Variants in ASAP1 observed in about 807,000 individuals in gnomAD.
The protein encoded by ASAP1 is arf-GAP with SH3 domain, ANK repeat and PH domain-containing protein 1.
ASAP1 carries 43 observed loss-of-function variants against 145.2 expected under a neutral mutation model. The ratio of observed to expected loss-of-function variants is 0.30; its 90% CI spans 0.23 to 0.38. The LOEUF is 0.38. ASAP1 is among the 10% of genes least tolerant of loss of function. The probability of loss-of-function intolerance (pLI) is 1.00; values close to 1 mark genes in which losing one functional copy is unlikely to be tolerated. For missense variants in ASAP1, 1,018 were observed against 1,355.3 expected (o/e 0.75, Z 3.91); for synonymous variants, 546 against 515.5 (o/e 1.06, Z -0.80).
At chr8:130,286,468 T>C (rs1191609788) in intron 3 of ASAP1, among the ~76,000 whole-genome samples, 1 of 152,196 alleles carries the variant, frequency 6.6e-6, no homozygotes, top group Admixed American at 6.5e-5. Context: ...AGAGAACTCC[T>C]TCATGTACTG....
chr8:130,175,826 T>TTTAA, intron 9 of ASAP1, among the ~76,000 whole-genome samples: 2 of 152,274 alleles, frequency 1.3e-5, no homozygotes, highest in Middle Eastern at 3.4e-3. Flanking sequence ...AGAAAACACA[T>TTTAA]GTAAGGAACT....
In ASAP1 at chr8:130,052,817, AATGC is replaced by A. The variant is rs2097395955; in HGVS notation, c.*1910_*1913del. 6.8e-6 allele frequency: 1 copy of A among 145,990 alleles called. No homozygotes were observed. The highest frequency in any genetic ancestry group is 1.5e-5 in the Non-Finnish European group (1 of 67,236). The allele number at this position is 145,990 out of a possible 1,614,324, so 9.0% of individuals were successfully genotyped here. On this transcript the variant is annotated 3_prime_UTR_variant, in exon 30 of 30. Coordinates refer to ENST00000518721, the MANE Select transcript of ASAP1 (RefSeq NM_018482.4). Reference sequence around the variant, plus strand: ...AGGCCACAGAAAAGAACAGCTCTTTAATGCAAGTTAAAATGTGTAAATGAATGAC... The same window carrying A: ...AGGCCACAGAAAAGAACAGCTCTTTAAAGTTAAAATGTGTAAATGAATGAC...
At chr8:130,188,314 T>C (rs75532353) in intron 5 of ASAP1, 131 bp from the exon 6 acceptor site, 10,181 of 711,776 alleles carry the variant, frequency 0.014, 93 homozygotes, top group Non-Finnish European at 0.019. Context: ...CATTATTTCA[T>C]TGAACCTACA....
intron 18 of ASAP1, among the ~76,000 whole-genome samples, chr8:130,122,491 T>C (rs1457505061): frequency 6.6e-6 from 1 of 152,166 alleles, no homozygotes; most frequent in Admixed American, 6.5e-5. Context: ...ATAATAATAA[T>C]AACAGATACT....
At chr8:130,397,191 A>G (rs1463926440) in intron 2 of ASAP1, among the ~76,000 whole-genome samples, 1 of 152,152 alleles carries the variant, frequency 6.6e-6, no homozygotes, top group Non-Finnish European at 1.5e-5. Flanking sequence ...CCCAGACTGG[A>G]GTGCAATGGC....
In ASAP1 at chr8:130,080,047, T is replaced by C. The variant is rs2097475498; in HGVS notation, c.2573-76A>G. ...AATGAGAATACATGGGTTTGGCCTG[T>C]AGACAGGCATTGCTCAGGTTCCAGA... On this transcript the variant is annotated intron_variant, in intron 25 of 29. Coordinates refer to ENST00000518721, the MANE Select transcript of ASAP1 (RefSeq NM_018482.4). The C allele has an allele frequency of 3.1e-6, 4 of 1,301,674 alleles. No individual in the cohort carries two copies. The South Asian group carries it at 4.8e-5, about 16-fold the overall frequency. The allele number at this position is 1,301,674 out of a possible 1,614,324, so 80.6% of individuals were successfully genotyped here.
At chr8:130,185,519 G>A (rs1303990249) in intron 7 of ASAP1, among the ~76,000 whole-genome samples, 1 of 152,074 alleles carries the variant, frequency 6.6e-6, no homozygotes, top group Non-Finnish European at 1.5e-5. Context: ...CTGAGGCCAG[G>A]AGTTAGAGAC....
intron 24 of ASAP1, among the ~76,000 whole-genome samples, chr8:130,110,396 T>A (rs1307451226): frequency 1.3e-5 from 2 of 152,192 alleles, no homozygotes; most frequent in African/African-American, 4.8e-5. Context: ...TTTCCATTAT[T>A]GTATTCAGTC....
At chr8:130,262,437 A>G in intron 3 of ASAP1, among the ~76,000 whole-genome samples, 1 of 138,830 alleles carries the variant, frequency 7.2e-6, no homozygotes, top group East Asian at 2.4e-4. Context: ...AGAGAGAGAG[A>G]GAGAGAGAGA....
chr8:130,206,452 A>T (rs1171460786), intron 5 of ASAP1, among the ~76,000 whole-genome samples: 1 of 151,720 alleles, frequency 6.6e-6, no homozygotes, highest in Non-Finnish European at 1.5e-5. Context: ...AAAGAAGAAA[A>T]ATAAAAAAAA....
chr8:130,334,367 A>T (rs1041434625), intron 3 of ASAP1, among the ~76,000 whole-genome samples: 2 of 152,244 alleles, frequency 1.3e-5, no homozygotes, highest in Non-Finnish European at 2.9e-5. Context: ...ATTCATTTCT[A>T]TTAAAGTCTT....
At chr8:130,438,233 C>T (rs1830382599) in intron 1 of ASAP1, among the ~76,000 whole-genome samples, 2 of 152,156 alleles carry the variant, frequency 1.3e-5, no homozygotes, top group South Asian at 4.1e-4. Flanking sequence ...GTATTAATTA[C>T]CCCTCGCAGC....
At position 130,070,875 on chromosome 8, in the gene ASAP1, GGGAGA is replaced by G. The variant is rs1428621421; in HGVS notation, c.2701+5468_2701+5472del. The stretch of plus-strand genomic sequence containing the variant: ...AGAGAGAGGGAGAGAGGGAGAGAGA[GGGAGA>G]GAGGGAGAGAGGGAGAGAGGGAGGG... On this transcript the variant is annotated intron_variant, in intron 27 of 29. Coordinates refer to ENST00000518721, the MANE Select transcript of ASAP1 (RefSeq NM_018482.4). Among the ~76,000 whole-genome samples the G allele has an allele frequency of 1.2e-3, 40 of 34,734 alleles. 4 individuals carry two copies. The highest frequency in any genetic ancestry group is 4.0e-3 in the East Asian group (3 of 754). 22.8% of individuals were successfully genotyped at this position (34,734 alleles called of 152,430 possible).
intron 2 of ASAP1, among the ~76,000 whole-genome samples, chr8:130,368,576 G>C (rs1827069788): frequency 6.6e-6 from 1 of 152,206 alleles, no homozygotes; most frequent in Non-Finnish European, 1.5e-5. Flanking sequence ...TAACAGCAAT[G>C]ATGGGTACTA....
intron 3 of ASAP1, among the ~76,000 whole-genome samples, chr8:130,307,513 GT>G (rs1489367383): frequency 6.6e-6 from 1 of 152,200 alleles, no homozygotes; most frequent in African/African-American, 2.4e-5. Flanking sequence ...CCAGAGCAAA[GT>G]GGTAAAATTT....
At chr8:130,346,839 G>C (rs918917855) in intron 3 of ASAP1, among the ~76,000 whole-genome samples, 1 of 149,726 alleles carries the variant, frequency 6.7e-6, no homozygotes, top group African/African-American at 2.5e-5. Flanking sequence ...GTACTTTGTG[G>C]AAATAAGGAG....
chr8:130,250,006 T>G (rs1483671724), intron 3 of ASAP1, among the ~76,000 whole-genome samples: 2 of 152,042 alleles, frequency 1.3e-5, no homozygotes, highest in Non-Finnish European at 2.9e-5. Context: ...TCCTTTTAAA[T>G]GAAAGAAATT....
intron 7 of ASAP1, among the ~76,000 whole-genome samples, chr8:130,182,964 G>C (rs1814470638): frequency 6.6e-6 from 1 of 150,398 alleles, no homozygotes; most frequent in South Asian, 2.1e-4. Flanking sequence ...AATATAAATA[G>C]AACAGAAAAG....
At chr8:130,205,382 G>GAAAAA (rs771590453) in intron 5 of ASAP1, among the ~76,000 whole-genome samples, 6 of 57,048 alleles carry the variant, frequency 1.1e-4, no homozygotes, top group Admixed American at 2.0e-4. Context: ...ATCCTTATAA[G>GAAAAA]AAAAAAAAAA....
Sources: allele counts gnomAD v4.1 joint callset (sites outside exome capture counted in the v4.1 genomes callset), GRCh38; gene constraint gnomAD v4.1.1; transcripts MANE v1.5; gene names NCBI Gene and HGNC (gene_info 2026-07-23, HGNC 2026-07-21).